ARHGEF37: variants seen among roughly 807,000 people sequenced by gnomAD.
ARHGEF37 encodes Rho guanine nucleotide exchange factor 37.
In ARHGEF37, 55 loss-of-function variants were observed where a neutral mutation model predicts 71.1. The observed-to-expected ratio is 0.77, with a 90% CI of 0.62 to 0.97. ARHGEF37 has a LOEUF of 0.97. Among genes scored for constraint, ARHGEF37 ranks in the 50% least tolerant of loss-of-function variants. The pLI is 0.00. For missense variants in ARHGEF37, 765 were observed against 836.8 expected (o/e 0.91, Z 1.06); for synonymous variants, 327 against 350.6 (o/e 0.93, Z 0.75).
At chr5:149,603,221 C>T (rs1442635655) in intron 3 of ARHGEF37, among the ~76,000 whole-genome samples, 3 of 152,178 alleles carry the variant, frequency 2.0e-5, no homozygotes, top group Non-Finnish European at 4.4e-5. Flanking sequence ...GTGTGAGCCA[C>T]CGTGCCTGGC....
rs940955272 is a variant in ARHGEF37 at position 149,633,474 on chromosome 5, T to C, written c.*1283T>C. Reference sequence around the variant, plus strand: ...CCACCCCATTCTAGAACCTGGAAATTGGAGCCCCTCAAAAACAGTTCCTGT... The same window carrying C: ...CCACCCCATTCTAGAACCTGGAAATCGGAGCCCCTCAAAAACAGTTCCTGT... On this transcript the variant is annotated 3_prime_UTR_variant, in exon 13 of 13. Coordinates refer to ENST00000333677, the MANE Select transcript of ARHGEF37 (RefSeq NM_001001669.3). The C allele has an allele frequency of 5.9e-5, 9 of 152,288 alleles. No homozygotes were observed. Among genetic ancestry groups the C allele is most frequent in the Non-Finnish European group, 1.3e-4 (9 of 68,094 alleles). 9.4% of individuals were successfully genotyped at this position (152,288 alleles called of 1,614,324 possible).
chr5:149,624,189 A>G, intron 10 of ARHGEF37, 49 bp downstream of exon 10: 1 of 1,569,284 alleles, frequency 6.4e-7, no homozygotes, highest in Non-Finnish European at 8.7e-7. Context: ...TTCACTGGCC[A>G]GTAGGGTGAG....
At chr5:149,564,031 C>A (rs1580881179) in intron 1 of ARHGEF37, among the ~76,000 whole-genome samples, 1 of 146,982 alleles carries the variant, frequency 6.8e-6, no homozygotes, top group South Asian at 2.2e-4. Context: ...TGGCTCACTG[C>A]AGCCTTCGCC....
intron 1 of ARHGEF37, among the ~76,000 whole-genome samples, chr5:149,561,606 A>C (rs1580879942): frequency 6.6e-6 from 1 of 152,224 alleles, no homozygotes; most frequent in Non-Finnish European, 1.5e-5. Flanking sequence ...CATTGAAAAC[A>C]TTACTGATAA....
At chr5:149,628,990 G>C in intron 12 of ARHGEF37, 24 bp downstream of exon 12, 1 of 1,602,110 alleles carries the variant, frequency 6.2e-7, no homozygotes, top group Non-Finnish European at 8.5e-7. Context: ...AGGGCTGGGG[G>C]CTTGCCTCCC....
intron 1 of ARHGEF37, among the ~76,000 whole-genome samples, chr5:149,558,731 GTGTGTGTA>G (rs879400941): frequency 0.091 from 5,049 of 55,198 alleles, 161 homozygotes; most frequent in African/African-American, 0.23. Flanking sequence ...GTGTGTGTGT[GTGTGTGTA>G]TATATATTTT....
chr5:149,557,991 A>G lies in ARHGEF37; in HGVS notation c.-12+5868A>G, dbSNP rs1337936811. 6.0e-5 allele frequency among the ~76,000 whole-genome samples: 9 copies of G among 150,742 alleles called. No individual in the cohort carries two copies. In the Admixed American group the frequency reaches 6.0e-4, roughly 10 times the overall value. Reference sequence around the variant, plus strand: ...AGCAATTCTCCTGCCTCTGCCTCCCAAGTAGCTGGGATTACAGGTGCCTGC... The same window carrying G: ...AGCAATTCTCCTGCCTCTGCCTCCCGAGTAGCTGGGATTACAGGTGCCTGC... On this transcript the variant is annotated intron_variant, in intron 1 of 2. Coordinates refer to the ARHGEF37 transcript ENST00000505810.
Position 149,633,263 on chromosome 5 carries a change from TA to T in ARHGEF37, c.*1073del, listed in dbSNP as rs1752940231. Reference sequence around the variant, plus strand: ...GCTCCCTGTAAACTGTGAAGTGTGATACAAATGTAAATGACAGCAGTGATCT... The same window carrying T: ...GCTCCCTGTAAACTGTGAAGTGTGATCAAATGTAAATGACAGCAGTGATCT... On this transcript the variant is annotated 3_prime_UTR_variant, in exon 13 of 13. Transcript: ENST00000333677. The T allele has an allele frequency of 1.3e-5, 2 of 152,296 alleles. No homozygotes were observed. The highest frequency in any genetic ancestry group is 4.8e-5 in the African/African-American group (2 of 41,480). 9.4% of individuals were successfully genotyped at this position (152,296 alleles called of 1,614,324 possible). A position where few individuals can be genotyped will look rare whatever the true frequency, so the allele number is the denominator to read the frequency against.
intron 10 of ARHGEF37, 139 bp downstream of exon 10, chr5:149,624,279 C>A: frequency 8.2e-7 from 1 of 1,223,120 alleles, no homozygotes. Flanking sequence ...TCTCTTCTCT[C>A]TCCTTTCTAT....
Position 149,558,146 on chromosome 5 carries a change from A to T in ARHGEF37, c.-12+6023A>T, listed in dbSNP as rs541013415. ...CTTGGCCTCCCAAAGTGCTGGGATT[A>T]CAAGCATGAGCCACTGTGCTCGGCC... On this transcript the variant is annotated intron_variant, in intron 1 of 2. Coordinates refer to the ARHGEF37 transcript ENST00000505810. 6.6e-5 allele frequency among the ~76,000 whole-genome samples: 10 copies of T among 152,290 alleles called. No individual in the cohort carries two copies. The South Asian group carries it at 1.4e-3, about 22-fold the overall frequency.
At position 149,560,229 on chromosome 5, in the gene ARHGEF37, C is replaced by T. The variant is rs369910387; in HGVS notation, c.-12+8106C>T. The stretch of plus-strand genomic sequence containing the variant: ...TTCCCAGGTTCAAGTGATTCACCTG[C>T]CTCAGCCTCCCAAGTAGTTGGGATT... On this transcript the variant is annotated intron_variant, in intron 1 of 2. Coordinates refer to the ARHGEF37 transcript ENST00000505810. Among the ~76,000 whole-genome samples the T allele has an allele frequency of 5.5e-3, 844 of 152,278 alleles. 6 individuals are homozygous for T. The highest frequency in any genetic ancestry group is 0.02 in the Middle Eastern group (6 of 294).
intron 1 of ARHGEF37, among the ~76,000 whole-genome samples, chr5:149,557,784 AT>A (rs1304067571): frequency 1.3e-5 from 2 of 151,814 alleles, no homozygotes; most frequent in East Asian, 1.9e-4. Flanking sequence ...AATTAATGTT[AT>A]TTTTTGAATA....
intron 1 of ARHGEF37, among the ~76,000 whole-genome samples, chr5:149,584,297 A>G (rs930679274): frequency 3.9e-5 from 6 of 152,088 alleles, no homozygotes; most frequent in African/African-American, 1.4e-4. Context: ...CTGCTGTTTG[A>G]TTTGGGTTAA....
At chr5:149,553,263 G>A (rs1029260176) in intron 1 of ARHGEF37, among the ~76,000 whole-genome samples, 1 of 152,072 alleles carries the variant, frequency 6.6e-6, no homozygotes, top group African/African-American at 2.4e-5. Flanking sequence ...GCTGGGCATG[G>A]TAGCATGTGC....
At chr5:149,561,500 G>A (rs894523164) in intron 1 of ARHGEF37, among the ~76,000 whole-genome samples, 9 of 152,108 alleles carry the variant, frequency 5.9e-5, no homozygotes, top group South Asian at 2.1e-4. Flanking sequence ...GCTTTAACTC[G>A]TTTGTCTGCA....
chr5:149,571,905 CA>C (rs150393350), intron 1 of ARHGEF37, among the ~76,000 whole-genome samples: 7,299 of 77,378 alleles, frequency 0.094, 141 homozygotes, highest in Middle Eastern at 0.17. Flanking sequence ...GACCCTGTCT[CA>C]AAAAAAAAAA....
chr5:149,561,136 G>A (rs1762823102), intron 1 of ARHGEF37, among the ~76,000 whole-genome samples: 1 of 151,998 alleles, frequency 6.6e-6, no homozygotes, highest in Admixed American at 6.6e-5. Context: ...TGCTGGGCGT[G>A]GTGGCAAGCA....
chr5:149,610,799 T>G (rs2113345775), intron 4 of ARHGEF37, among the ~76,000 whole-genome samples: 1 of 152,366 alleles, frequency 6.6e-6, no homozygotes, highest in Middle Eastern at 3.4e-3. Flanking sequence ...AGACCCTGTG[T>G]AGCGTGCAGC....
chr5:149,597,084 A>C (rs1451969903), intron 1 of ARHGEF37, among the ~76,000 whole-genome samples: 1 of 151,972 alleles, frequency 6.6e-6, no homozygotes, highest in African/African-American at 2.4e-5. Flanking sequence ...GTAAGGCCTA[A>C]ATGGGGTAGC....
Sources: gnomAD v4.1 joint callset for allele counts (sites outside exome capture counted in the v4.1 genomes callset) on GRCh38, gnomAD v4.1.1 for gene constraint, MANE v1.5 for transcripts, NCBI Gene and HGNC (gene_info 2026-07-23, HGNC 2026-07-21) for gene names.